Variants in CFAP52 observed in about 807,000 individuals in gnomAD.
The protein encoded by CFAP52 is cilia and flagella associated protein 52.
In CFAP52, 57 loss-of-function variants were observed where a neutral mutation model predicts 70.5. The observed-to-expected ratio is 0.81, with a 90% confidence interval of 0.65 to 1.01. The LOEUF (loss-of-function observed/expected upper bound fraction) is 1.01, where lower values mean the gene tolerates loss of function less well. CFAP52 is among the 50% of genes least tolerant of loss of function. The pLI is 0.00. For synonymous variants in CFAP52, 267 were observed against 292.5 expected, an observed-to-expected ratio of 0.91 and a Z score of 0.89; for missense variants, 785 against 788.5, an observed-to-expected ratio of 1.00 and a Z score of 0.05.
At chr17:9,629,487 CT>C (rs1910364201) in intron 9 of CFAP52, among the ~76,000 whole-genome samples, 1 of 133,586 alleles carries the variant, frequency 7.5e-6, no homozygotes, top group East Asian at 2.3e-4. Flanking sequence ...TTCTTTCTTT[CT>C]TTCTTTCTTT....
intron 1 of CFAP52, chr17:9,584,184 C>T: frequency 8.2e-7 from 1 of 1,213,936 alleles, no homozygotes; most frequent in African/African-American, 1.6e-5. Context: ...TGCTGAAGGT[C>T]CTGTTCTCCT....
chr17:9,585,832 G>C lies in CFAP52; in HGVS notation c.130G>C (p.Gly44Arg), dbSNP rs755353746. ...CCAGGAGCATATGATTTATCCTCTT[G>C]GTTGCACAGTCCTCATTCAGGCAAT... ...PDQEHMIYPL[G>R]CTVLIQAINT... The change falls in exon 2 of 14, where the codon GGT (glycine) becomes CGT (arginine). Residue 44 changes from glycine to arginine, a missense_variant. Coordinates refer to ENST00000352665, the MANE Select transcript of CFAP52 (RefSeq NM_145054.5). The C allele has an allele frequency of 1.9e-6, 3 of 1,613,938 alleles. No homozygotes were observed. Among genetic ancestry groups the C allele is most frequent in the Non-Finnish European group, 2.5e-6 (3 of 1,180,026 alleles).
At chr17:9,606,772 T>C (rs11871087) in intron 6 of CFAP52, among the ~76,000 whole-genome samples, 9 of 152,166 alleles carry the variant, frequency 5.9e-5, no homozygotes, top group Admixed American at 2.6e-4. Context: ...ATTCACTCCA[T>C]GTTTTGTCTC....
chr17:9,611,908 G>A (rs975199432), intron 7 of CFAP52, among the ~76,000 whole-genome samples: 1 of 152,060 alleles, frequency 6.6e-6, no homozygotes, highest in African/African-American at 2.4e-5. Flanking sequence ...TTCAGATAGG[G>A]TTATCATAGC....
At position 9,635,441 on chromosome 17, in the gene CFAP52, C is replaced by T. The variant is rs758157956; in HGVS notation, c.1357C>T (p.Leu453=). Reference sequence around the variant, plus strand: ...GCAGATAGGCTGTCAGACCCAGAAGCTGGAGGAGGCCCTGAAGGAACACAA... The same window carrying T: ...GCAGATAGGCTGTCAGACCCAGAAGTTGGAGGAGGCCCTGAAGGAACACAA... ...VWQIGCQTQK[L]EEALKEHKSS... The change falls in exon 11 of 14, where the codon CTG becomes TTG. Residue 453 remains leucine (L), a synonymous_variant. Transcript: ENST00000352665. 5 of 1,614,160 alleles carry T rather than the reference C, an allele frequency of 3.1e-6. No individual in the cohort carries two copies. The highest frequency in any genetic ancestry group is 3.4e-6 in the Non-Finnish European group (4 of 1,180,044).
chr17:9,584,135 A>AT, intron 1 of CFAP52: 1 of 1,167,858 alleles, frequency 8.6e-7, no homozygotes, highest in Non-Finnish European at 1.1e-6. Flanking sequence ...TGGTCAGCCC[A>AT]TTCCCAGAGT....
At chr17:9,636,236 A>AAAGAAAGAAAGG in intron 11 of CFAP52, among the ~76,000 whole-genome samples, 1 of 147,436 alleles carries the variant, frequency 6.8e-6, no homozygotes, top group Non-Finnish European at 1.5e-5. Context: ...AGAAAGAAAG[A>AAAGAAAGAAAGG]AAGAAAGAAA....
chr17:9,576,751 T>A lies in CFAP52; in HGVS notation c.56T>A (p.Val19Glu), dbSNP rs746608233. 6.2e-7 allele frequency: 1 copy of A among 1,612,536 alleles called. No homozygotes were observed. Among genetic ancestry groups the A allele is most frequent in the South Asian group, 1.1e-5 (1 of 90,732 alleles). The change falls in exon 1 of 14, where the codon GTG becomes GAG. Residue 19 changes from valine (V) to glutamate (E), a missense_variant. Physicochemically the swap from Val to Glu is moderately radical, Grantham distance 121. Transcript: ENST00000352665. The part of the protein sequence containing the change: ...AQVAELELDA[V>E]IGFNGHVPTG... Reference sequence around the variant, plus strand: ...GTGGCGGAGCTGGAACTTGACGCCGTGATCGGCTTCAATGGTGAGGCCTCC... The same window carrying A: ...GTGGCGGAGCTGGAACTTGACGCCGAGATCGGCTTCAATGGTGAGGCCTCC...
At chr17:9,624,459 AT>A (rs1910165281) in intron 8 of CFAP52, among the ~76,000 whole-genome samples, 1 of 151,966 alleles carries the variant, frequency 6.6e-6, no homozygotes, top group Non-Finnish European at 1.5e-5. Context: ...CACCTAGTAA[AT>A]TTATTTTAGT....
At chr17:9,614,493 CTGATAT>C (rs556259367) in intron 8 of CFAP52, among the ~76,000 whole-genome samples, 2 of 152,138 alleles carry the variant, frequency 1.3e-5, no homozygotes, top group Non-Finnish European at 2.9e-5. Flanking sequence ...TTTACTTAGT[CTGATAT>C]TAAGATTACC....
chr17:9,601,619 T>C (rs1219064198), intron 6 of CFAP52, among the ~76,000 whole-genome samples: 1 of 152,218 alleles, frequency 6.6e-6, no homozygotes, highest in Non-Finnish European at 1.5e-5. Context: ...ACATTATAAG[T>C]CGTGAGCAAG....
intron 1 of CFAP52, 76 bp downstream of exon 1, chr17:9,576,841 C>T: frequency 6.9e-7 from 1 of 1,442,106 alleles, no homozygotes. Context: ...AATAGTGAGA[C>T]ACCGGGGACA....
intron 8 of CFAP52, among the ~76,000 whole-genome samples, chr17:9,615,960 T>C (rs981747307): frequency 7.2e-5 from 11 of 151,994 alleles, no homozygotes; most frequent in African/African-American, 2.7e-4. Flanking sequence ...AAATTTTTAA[T>C]ATACATATTT....
At chr17:9,633,430 C>A (rs1910640190) in intron 10 of CFAP52, among the ~76,000 whole-genome samples, 1 of 152,078 alleles carries the variant, frequency 6.6e-6, no homozygotes, top group Non-Finnish European at 1.5e-5. Context: ...GTCTCAAACT[C>A]CTGACCTCAG....
At chr17:9,585,655 A>C (rs1908430450) in intron 1 of CFAP52, 118 bp from the exon 2 acceptor site, 1 of 1,031,832 alleles carries the variant, frequency 9.7e-7, no homozygotes, top group Admixed American at 1.9e-5. Context: ...CTGGGTGACA[A>C]GTGCAAGACT....
intron 8 of CFAP52, among the ~76,000 whole-genome samples, chr17:9,625,959 T>C (rs553559565): frequency 6.6e-6 from 1 of 152,232 alleles, no homozygotes; most frequent in African/African-American, 2.4e-5. Flanking sequence ...GATGATACTC[T>C]TTCCTGCTTT....
intron 9 of CFAP52, 148 bp downstream of exon 9, chr17:9,628,968 T>A: frequency 8.0e-7 from 1 of 1,250,026 alleles, no homozygotes; most frequent in South Asian, 1.5e-5. Flanking sequence ...TAGCCTCTCT[T>A]TGGAGTTTCC....
chr17:9,594,174 G>C lies in CFAP52; in HGVS notation c.408-19G>C. The C allele has an allele frequency of 6.6e-7, 1 of 1,518,718 alleles. No homozygotes were observed. Among genetic ancestry groups the C allele is most frequent in the Non-Finnish European group, 8.8e-7 (1 of 1,132,536 alleles). 94.1% of individuals were successfully genotyped at this position (1,518,718 alleles called of 1,614,324 possible). ...TTTTCTCTTTGACTTTTTTTTTTTG[G>C]TCCCTCTTATTTTGGCAGTGTGGTG... On this transcript the variant is annotated intron_variant, in intron 3 of 13. Transcript: ENST00000352665.
rs1356428963 is a variant in CFAP52 at position 9,633,013 on chromosome 17, A to T, written c.1300A>T (p.Ser434Cys). The T allele has an allele frequency of 2.5e-6, 4 of 1,613,930 alleles. No individual in the cohort carries two copies. The African/African-American group carries it at 5.3e-5, about 22-fold the overall frequency. Residue 434 changes from serine to cysteine, a missense_variant, in exon 10 of 14, where the codon AGT (serine) becomes TGT (cysteine). Physicochemically the swap from Ser to Cys is moderately radical, Grantham distance 112. Transcript: ENST00000352665. ...ATTSDCKRVI[S>C]GGGEGEVRVW... ...CACCAGTGACTGTAAAAGGGTCATC[A>T]GTGGCGGTGGGGAAGGGGAGGTATT...
Sources: gnomAD v4.1 joint callset for allele counts (sites outside exome capture counted in the v4.1 genomes callset) on GRCh38, gnomAD v4.1.1 for gene constraint, MANE v1.5 for transcripts, NCBI Gene and HGNC (gene_info 2026-07-23, HGNC 2026-07-21) for gene names.